Variants in PCDHGA6 observed in about 807,000 individuals in gnomAD.
PCDHGA6 encodes the protein protocadherin gamma subfamily A, 6.
A neutral mutation model predicts 60.6 loss-of-function variants in PCDHGA6; 41 were observed. The observed-to-expected ratio is 0.68, with a 90% confidence interval of 0.53 to 0.88. The LOEUF is 0.88. Ranked by LOEUF, PCDHGA6 falls within the 40% of genes least tolerant of loss-of-function variation. The probability of loss-of-function intolerance (pLI) is 0.00; values close to 1 mark genes in which losing one functional copy is unlikely to be tolerated. For missense variants in PCDHGA6, 1,312 were observed against 1,203.0 expected (o/e 1.09, Z -1.34); for synonymous variants, 594 against 524.4 (o/e 1.13, Z -1.81).
chr5:141,494,832 G>T lies in PCDHGA6; in HGVS notation c.2450G>T (p.Arg817Leu). 1 of 1,614,066 alleles carries T rather than the reference G, an allele frequency of 6.2e-7. No homozygotes were observed. ...CAAGCCCCGCCCAACACGGACTGGCGTTTCTCTCAGGCCCAGAGACCCGGC... is the reference window on the plus strand; with the variant it reads ...CAAGCCCCGCCCAACACGGACTGGCTTTTCTCTCAGGCCCAGAGACCCGGC... The part of the protein sequence containing the change: ...LQQAPPNTDW[R>L]FSQAQRPGTS... The change falls in exon 2 of 4, where the codon CGT becomes CTT. Residue 817 changes from arginine to leucine, a missense_variant. Transcript: ENST00000517434.
Position 141,493,022 on chromosome 5 carries a change from G to C in PCDHGA6, c.2425-1785G>C, listed in dbSNP as rs1184742888. On this transcript the variant is annotated intron_variant, in intron 1 of 3. Transcript: ENST00000517434. This position sits in a 1 kb window ranked among gnomAD's most constrained non-coding sequence, Gnocchi z 4.3. Reference sequence around the variant, plus strand: ...GCTATAGGCTCTGCCAGATGCCAGGGTGCCCTTATGTGTGAGGAAACTACA... The same window carrying C: ...GCTATAGGCTCTGCCAGATGCCAGGCTGCCCTTATGTGTGAGGAAACTACA... Among the ~76,000 whole-genome samples the C allele has an allele frequency of 6.6e-6, 1 of 152,222 alleles. No individual in the cohort carries two copies. Among genetic ancestry groups the C allele is most frequent in the Non-Finnish European group, 1.5e-5 (1 of 68,040 alleles).
At position 141,476,321 on chromosome 5, in the gene PCDHGA6, G is replaced by A; in HGVS notation, c.2425-18486G>A. 1 of 1,614,196 alleles carries A rather than the reference G, an allele frequency of 6.2e-7. No homozygotes were observed. The highest frequency in any genetic ancestry group is 1.3e-5 in the African/African-American group (1 of 75,054). ...CCTCTCAGCCCGCAGGTTCCGGGTG[G>A]TGTCTGGAGCTAGCCGAAGATTCTT... On this transcript the variant is annotated intron_variant, in intron 1 of 3. Coordinates refer to ENST00000517434, the MANE Select transcript of PCDHGA6 (RefSeq NM_018919.3). The surrounding 1 kb of genome is among the most constrained non-coding windows in gnomAD (Gnocchi z 7.6).
At chr5:141,454,964 C>T (rs1283179107) in intron 1 of PCDHGA6, among the ~76,000 whole-genome samples, 10 of 151,622 alleles carry the variant, frequency 6.6e-5, no homozygotes, top group African/African-American at 2.4e-4. Flanking sequence ...CCGGCCACCA[C>T]GCCTGGCTAA....
intron 1 of PCDHGA6, chr5:141,419,440 C>T (rs368129873): frequency 1.9e-6 from 3 of 1,613,034 alleles, no homozygotes; most frequent in African/African-American, 2.7e-5. Context: ...AGCTGCGCAC[C>T]TTCGAGCTCA....
chr5:141,463,438 CTTTTTTT>C (rs71576115), intron 1 of PCDHGA6, among the ~76,000 whole-genome samples: 1 of 103,252 alleles, frequency 9.7e-6, no homozygotes, highest in Non-Finnish European at 1.9e-5. Flanking sequence ...TTTCCTTCTC[CTTTTTTT>C]TTTTTTTTTT....
At chr5:141,422,040 C>T (rs1045003805) in intron 1 of PCDHGA6, 10 of 1,611,324 alleles carry the variant, frequency 6.2e-6, no homozygotes, top group African/African-American at 4.0e-5. Context: ...CGGATCCAGA[C>T]GAGGGAATCA....
At position 141,486,055 on chromosome 5, in the gene PCDHGA6, C is replaced by T; in HGVS notation, c.2425-8752C>T. 6.2e-7 allele frequency: 1 copy of T among 1,614,170 alleles called. No individual in the cohort carries two copies. ...CTGATCGTGTAAGAAACCTCTTTAG[C>T]CTGCACCCCACTACTGGAAAGCTTA... On this transcript the variant is annotated intron_variant, in intron 1 of 3. Transcript: ENST00000517434. The surrounding 1 kb of genome is among the most constrained non-coding windows in gnomAD (Gnocchi z 5.0).
At chr5:141,488,784 T>C (rs116057353) in intron 1 of PCDHGA6, among the ~76,000 whole-genome samples, 1 of 152,248 alleles carries the variant, frequency 6.6e-6, no homozygotes, top group African/African-American at 2.4e-5. Flanking sequence ...TTGTATCACT[T>C]TGTCTTCCCT....
intron 1 of PCDHGA6, chr5:141,413,602 G>A (rs1561743581): frequency 6.2e-7 from 1 of 1,613,860 alleles, no homozygotes; most frequent in Non-Finnish European, 8.5e-7. Flanking sequence ...AGAAAATCTA[G>A]ACGTAAAAAT....
At chr5:141,394,852 C>T in intron 1 of PCDHGA6, 1 of 1,613,838 alleles carries the variant, frequency 6.2e-7, no homozygotes, top group Non-Finnish European at 8.5e-7. Flanking sequence ...AGTCTGAAGC[C>T]TTCGGTCGAC....
intron 1 of PCDHGA6, chr5:141,384,324 T>G (rs373247436): frequency 1.9e-6 from 3 of 1,613,744 alleles, no homozygotes; most frequent in Non-Finnish European, 2.5e-6. Context: ...TCTTAGTGAC[T>G]GCACAGGACC....
rs1299979776 is a variant in PCDHGA6 at position 141,512,453 on chromosome 5, G to GC, written c.*1282dup. On this transcript the variant is annotated 3_prime_UTR_variant, in exon 4 of 4. Transcript: ENST00000517434. ...TCCTGAAGCCTCAGTCCTTCACCTT[G>GC]CCAGGTGCCGTTTCTCTTCCGTGAA... The GC allele has an allele frequency of 6.5e-6, 1 of 152,880 alleles. No homozygotes were observed. The allele number at this position is 152,880 out of a possible 1,614,324, so 9.5% of individuals were successfully genotyped here.
At chr5:141,401,213 G>T (rs1259778152) in intron 1 of PCDHGA6, among the ~76,000 whole-genome samples, 2 of 152,014 alleles carry the variant, frequency 1.3e-5, no homozygotes, top group African/African-American at 4.8e-5. Flanking sequence ...GTGGTGGCGG[G>T]CGCCTGTAAT....
chr5:141,484,695 G>A (rs1371166304), intron 1 of PCDHGA6, among the ~76,000 whole-genome samples: 3 of 151,920 alleles, frequency 2.0e-5, no homozygotes, highest in Non-Finnish European at 4.4e-5. Context: ...TCAGGCTGTG[G>A]CTGTTTTCCC....
At chr5:141,457,280 A>G (rs964027392) in intron 1 of PCDHGA6, among the ~76,000 whole-genome samples, 2 of 152,196 alleles carry the variant, frequency 1.3e-5, no homozygotes, top group Admixed American at 1.3e-4. Context: ...TGGGCCTACG[A>G]AGTTCCTTGG....
chr5:141,410,023 C>T (rs1172248089), intron 1 of PCDHGA6: 1 of 1,613,310 alleles, frequency 6.2e-7, no homozygotes, highest in South Asian at 1.1e-5. Flanking sequence ...TGTCCTACCA[C>T]GTGCTGCAGG....
chr5:141,487,041 G>T lies in PCDHGA6; in HGVS notation c.2425-7766G>T, dbSNP rs149314216. Reference sequence around the variant, plus strand: ...GATCCCAGCCTGTTTGCAGTCTCTCGATATGCTGGGGAGGTGCGGACGGCT... The same window carrying T: ...GATCCCAGCCTGTTTGCAGTCTCTCTATATGCTGGGGAGGTGCGGACGGCT... On this transcript the variant is annotated intron_variant, in intron 1 of 3. Transcript: ENST00000517434. This position sits in a 1 kb window ranked among gnomAD's most constrained non-coding sequence, Gnocchi z 5.0. 6.2e-7 allele frequency: 1 copy of T among 1,614,132 alleles called. No homozygotes were observed. The highest frequency in any genetic ancestry group is 8.5e-7 in the Non-Finnish European group (1 of 1,180,030).
At chr5:141,438,548 C>T (rs1423036586) in intron 1 of PCDHGA6, among the ~76,000 whole-genome samples, 2 of 135,792 alleles carry the variant, frequency 1.5e-5, no homozygotes, top group Non-Finnish European at 3.1e-5. Context: ...ATATCTAAGC[C>T]CTAATAAGAG....
intron 1 of PCDHGA6, among the ~76,000 whole-genome samples, chr5:141,456,537 G>A (rs1411788378): frequency 1.3e-5 from 2 of 152,178 alleles, no homozygotes; most frequent in African/African-American, 4.8e-5. Flanking sequence ...ATTAAAGAGG[G>A]ATTGTAGCCA....
Sources: allele counts gnomAD v4.1 joint callset (sites outside exome capture counted in the v4.1 genomes callset), GRCh38; gene constraint gnomAD v4.1.1; non-coding constraint Gnocchi (gnomAD v3.1); transcripts MANE v1.5; gene names NCBI Gene and HGNC (gene_info 2026-07-23, HGNC 2026-07-21).